The following RBFOX1 variants were observed in gnomAD, a reference collection of about 807,000 sequenced individuals.
The protein encoded by RBFOX1 is RNA binding fox-1 homolog 1.
In RBFOX1, 8 loss-of-function variants were observed where a neutral mutation model predicts 57.7. That is an observed-to-expected ratio of 0.14 (90% confidence interval 0.08 to 0.25). The LOEUF is 0.25. RBFOX1 is among the 10% of genes least tolerant of loss of function. The pLI, the probability that RBFOX1 is intolerant of heterozygous loss-of-function variation, is 1.00. For synonymous variants in RBFOX1, 326 were observed against 222.4 expected, an observed-to-expected ratio of 1.47 and a Z score of -4.15; for missense variants, 611 against 548.5, an observed-to-expected ratio of 1.11 and a Z score of -1.14.
At chr16:6,296,702 G>A (rs1412011651) in intron 1 of RBFOX1, among the ~76,000 whole-genome samples, 4 of 152,192 alleles carry the variant, frequency 2.6e-5, no homozygotes, top group African/African-American at 7.2e-5. Flanking sequence ...TTACAGACGT[G>A]AGCCACCGTA....
chr16:5,630,966 A>T (rs2048488100), intron 3 of RBFOX1, among the ~76,000 whole-genome samples: 1 of 152,204 alleles, frequency 6.6e-6, no homozygotes, highest in Non-Finnish European at 1.5e-5. Flanking sequence ...GCAACATTTG[A>T]CATTTAAGAA....
chr16:7,152,842 C>T (rs751754506), intron 4 of RBFOX1, among the ~76,000 whole-genome samples: 7 of 152,012 alleles, frequency 4.6e-5, no homozygotes, highest in Non-Finnish European at 1.0e-4. Context: ...TGGGTGGCAC[C>T]GAGTCTTGCA....
intron 1 of RBFOX1, among the ~76,000 whole-genome samples, chr16:6,227,688 A>G (rs1469708356): frequency 6.6e-6 from 1 of 152,206 alleles, no homozygotes; most frequent in Non-Finnish European, 1.5e-5. Context: ...GAACAGGAAT[A>G]TTGGAGCATA....
chr16:6,861,796 C>G (rs1325328721), intron 3 of RBFOX1, among the ~76,000 whole-genome samples: 1 of 151,198 alleles, frequency 6.6e-6, no homozygotes, highest in Non-Finnish European at 1.5e-5. Flanking sequence ...TCATACACTC[C>G]CCCTCTTTCC....
At chr16:5,743,917 C>T (rs548597151) in intron 3 of RBFOX1, among the ~76,000 whole-genome samples, 1 of 152,268 alleles carries the variant, frequency 6.6e-6, no homozygotes, top group South Asian at 2.1e-4. Context: ...GTCTCAAGAA[C>T]TTATTCATCT....
At chr16:6,879,971 T>G (rs2062599931) in intron 3 of RBFOX1, among the ~76,000 whole-genome samples, 1 of 152,198 alleles carries the variant, frequency 6.6e-6, no homozygotes, top group Non-Finnish European at 1.5e-5. Flanking sequence ...CATTTCTACT[T>G]CTTTATTTGT....
chr16:6,363,113 C>G (rs964213347), intron 2 of RBFOX1, among the ~76,000 whole-genome samples: 2 of 152,150 alleles, frequency 1.3e-5, no homozygotes, highest in African/African-American at 4.8e-5. Context: ...TTAAAGGAAT[C>G]TAGAGTTGTC....
At chr16:7,077,881 T>C (rs975493076) in intron 4 of RBFOX1, among the ~76,000 whole-genome samples, 8 of 152,198 alleles carry the variant, frequency 5.3e-5, no homozygotes, top group Admixed American at 3.9e-4. Context: ...TGTATCCCTT[T>C]TAAGCAACTT....
chr16:6,351,012 C>G (rs2086258528), intron 2 of RBFOX1, among the ~76,000 whole-genome samples: 3 of 152,060 alleles, frequency 2.0e-5, no homozygotes, highest in Admixed American at 6.6e-5. Flanking sequence ...GCAACTTGTG[C>G]AAAGTTGTGA....
intron 4 of RBFOX1, among the ~76,000 whole-genome samples, chr16:7,219,300 C>G (rs1285911804): frequency 6.6e-6 from 1 of 152,148 alleles, no homozygotes; most frequent in South Asian, 2.1e-4. Context: ...GACTGTAAGA[C>G]ACAGCAAATA....
intron 4 of RBFOX1, among the ~76,000 whole-genome samples, chr16:7,403,439 G>A (rs1011996477): frequency 2.6e-5 from 4 of 152,028 alleles, no homozygotes; most frequent in Non-Finnish European, 4.4e-5. Context: ...CTATTCCTAC[G>A]AATTTGAGTG....
intron 1 of RBFOX1, among the ~76,000 whole-genome samples, chr16:6,275,180 G>A (rs1309123382): frequency 5.3e-5 from 8 of 151,814 alleles, no homozygotes; most frequent in African/African-American, 1.2e-4. Flanking sequence ...GCATGGTGGC[G>A]GGCGCCTGTA....
chr16:5,560,643 A>C (rs988398743), intron 2 of RBFOX1, among the ~76,000 whole-genome samples: 1 of 152,166 alleles, frequency 6.6e-6, no homozygotes, highest in African/African-American at 2.4e-5. Context: ...TTTTCACCTT[A>C]TGCTTTTATT....
At chr16:7,389,042 G>A (rs1227376914) in intron 4 of RBFOX1, among the ~76,000 whole-genome samples, 2 of 152,146 alleles carry the variant, frequency 1.3e-5, no homozygotes, top group African/African-American at 4.8e-5. Flanking sequence ...TGAATGAATT[G>A]GGGGTATGGC....
Position 6,666,283 on chromosome 16 carries a change from C to G in RBFOX1, c.-16+11633C>G, listed in dbSNP as rs1416548315. 3.3e-5 allele frequency among the ~76,000 whole-genome samples: 5 copies of G among 152,120 alleles called. No homozygotes were observed. The South Asian group carries it at 8.3e-4, about 25-fold the overall frequency. ...GCACAGTGGCTCATGCCTATAATCC[C>G]AGCACTTTGGGAGGCTTAGGCGGGC... On this transcript the variant is annotated intron_variant, in intron 3 of 15. Transcript: ENST00000550418.
intron 2 of RBFOX1, among the ~76,000 whole-genome samples, chr16:6,323,746 C>A (rs963854399): frequency 6.6e-6 from 1 of 150,698 alleles, no homozygotes; most frequent in Non-Finnish European, 1.5e-5. Context: ...TTCCATACAT[C>A]ATGGGTATGT....
At chr16:5,675,462 C>T (rs932560745) in intron 3 of RBFOX1, among the ~76,000 whole-genome samples, 6 of 152,182 alleles carry the variant, frequency 3.9e-5, no homozygotes, top group South Asian at 2.1e-4. Context: ...ACTCAGCTCA[C>T]GTGCCCAGTG....
At chr16:6,322,354 T>C (rs2081907483) in intron 2 of RBFOX1, among the ~76,000 whole-genome samples, 1 of 152,218 alleles carries the variant, frequency 6.6e-6, no homozygotes, top group African/African-American at 2.4e-5. Flanking sequence ...TCAATACATT[T>C]CATTCCAACT....
intron 14 of RBFOX1, among the ~76,000 whole-genome samples, chr16:7,686,957 G>C (rs1555778094): frequency 3.3e-5 from 5 of 152,060 alleles, no homozygotes; most frequent in Non-Finnish European, 7.4e-5. Flanking sequence ...CCAAACTGGG[G>C]AGAGATTCAC....
Sources: allele counts gnomAD v4.1 joint callset (sites outside exome capture counted in the v4.1 genomes callset), GRCh38; gene constraint gnomAD v4.1.1; transcripts MANE v1.5; gene names NCBI Gene and HGNC (gene_info 2026-07-23, HGNC 2026-07-21).